Variants in CTTN observed in about 807,000 individuals in gnomAD.
CTTN encodes the protein src substrate cortactin.
A neutral mutation model predicts 84.0 loss-of-function variants in CTTN; 28 were observed. The observed-to-expected ratio is 0.33, with a 90% CI of 0.25 to 0.46. The LOEUF (loss-of-function observed/expected upper bound fraction) is 0.46. CTTN is among the 20% of genes least tolerant of loss of function. The pLI, the probability that CTTN is intolerant of heterozygous loss-of-function variation, is 1.00. For synonymous variants in CTTN, 301 were observed against 288.8 expected (o/e 1.04, Z -0.43); for missense variants, 641 against 723.8 (o/e 0.89, Z 1.31).
intron 7 of CTTN, 102 bp downstream of exon 7, chr11:70,415,819 G>C (rs1470651654): frequency 5.1e-6 from 6 of 1,170,522 alleles, no homozygotes; most frequent in Non-Finnish European, 7.7e-6. Context: ...GCCCTGATGG[G>C]GAGAGTCACA....
At chr11:70,432,997 G>C (rs913704051) in intron 15 of CTTN, 104 bp from the exon 16 acceptor site, 7 of 1,248,628 alleles carry the variant, frequency 5.6e-6, no homozygotes, top group Non-Finnish European at 7.9e-6. Context: ...GGCTGGGACT[G>C]AGAATTAGAT....
At chr11:70,416,824 C>G in intron 7 of CTTN, 189 bp from the exon 8 acceptor site, 1 of 578,904 alleles carries the variant, frequency 1.7e-6, no homozygotes, top group Admixed American at 2.8e-5. Context: ...AGAACCCCCC[C>G]ATGCACCTGT....
chr11:70,399,562 A>T (rs2057951376), intron 1 of CTTN, among the ~76,000 whole-genome samples: 1 of 151,926 alleles, frequency 6.6e-6, no homozygotes, highest in Admixed American at 6.6e-5. Flanking sequence ...TAAATTTGGA[A>T]CCGTCCCTCC....
intron 6 of CTTN, 67 bp downstream of exon 6, chr11:70,414,719 C>T (rs1451002024): frequency 6.8e-6 from 8 of 1,174,306 alleles, no homozygotes. Flanking sequence ...AGATCTGAGC[C>T]CTGTTGGGCC....
intron 6 of CTTN, among the ~76,000 whole-genome samples, chr11:70,415,067 G>A (rs556605576): frequency 6.6e-6 from 1 of 152,154 alleles, no homozygotes; most frequent in Admixed American, 6.5e-5. Flanking sequence ...TCCTAGGCCC[G>A]AGCCTCTTTG....
At chr11:70,400,650 A>AT (rs1206532798) in intron 1 of CTTN, among the ~76,000 whole-genome samples, 1 of 152,246 alleles carries the variant, frequency 6.6e-6, no homozygotes, top group Non-Finnish European at 1.5e-5. Flanking sequence ...GACAGCACAC[A>AT]TAATCGGCAA....
chr11:70,431,682 G>C (rs922076142), intron 15 of CTTN, among the ~76,000 whole-genome samples: 1 of 152,020 alleles, frequency 6.6e-6, no homozygotes, highest in African/African-American at 2.4e-5. Flanking sequence ...CCTGCCTCCC[G>C]CACAATCTGC....
At chr11:70,416,429 T>G (rs981914830) in intron 7 of CTTN, among the ~76,000 whole-genome samples, 1 of 151,946 alleles carries the variant, frequency 6.6e-6, no homozygotes, top group African/African-American at 2.4e-5. Flanking sequence ...TTTCATTTTG[T>G]TTTGTTTGTT....
chr11:70,430,607 C>T (rs1339436227), intron 14 of CTTN, among the ~76,000 whole-genome samples: 1 of 152,234 alleles, frequency 6.6e-6, no homozygotes, highest in Non-Finnish European at 1.5e-5. Flanking sequence ...CACAGTCCCT[C>T]CCCATGGGGT....
chr11:70,419,686 C>T (rs2058205625), intron 8 of CTTN, 60 bp from the exon 9 acceptor site: 1 of 1,396,432 alleles, frequency 7.2e-7, no homozygotes, highest in South Asian at 1.2e-5. Context: ...GGATAAAATA[C>T]TTGCATGTTC....
Position 70,422,837 on chromosome 11 carries a change from G to A in CTTN, c.902-103G>A, listed in dbSNP as rs569825773. 123 of 1,580,206 alleles carry A rather than the reference G, an allele frequency of 7.8e-5. 1 individual carries two copies. In the South Asian group the frequency reaches 1.3e-3, roughly 16 times the overall value. On this transcript the variant is annotated intron_variant, in intron 11 of 17. Coordinates refer to ENST00000301843, the MANE Select transcript of CTTN (RefSeq NM_005231.4). ...GCCATTCTCGTTTCTTCCCGCTGTG[G>A]TGCACCTTCTTGGGCTGTTTCTGGA...
intron 16 of CTTN, 33 bp from the exon 17 acceptor site, chr11:70,433,614 G>A: frequency 6.7e-7 from 1 of 1,494,384 alleles, no homozygotes; most frequent in Non-Finnish European, 9.3e-7. Context: ...GTGGGACTTT[G>A]TATTGTTCAG....
At chr11:70,427,498 G>A (rs892468222) in intron 13 of CTTN, among the ~76,000 whole-genome samples, 11 of 152,226 alleles carry the variant, frequency 7.2e-5, no homozygotes, top group African/African-American at 2.4e-4. Flanking sequence ...GCAGTCTATC[G>A]ATGTTACGTT....
chr11:70,416,971 C>T (rs371255550), intron 7 of CTTN, 42 bp from the exon 8 acceptor site: 46 of 1,378,376 alleles, frequency 3.3e-5, no homozygotes, highest in Non-Finnish European at 4.1e-5. Flanking sequence ...CAGTGTAGTT[C>T]GTCCTCAGGC....
intron 8 of CTTN, among the ~76,000 whole-genome samples, chr11:70,419,081 G>C (rs2058198455): frequency 6.9e-6 from 1 of 145,736 alleles, no homozygotes; most frequent in African/African-American, 2.6e-5. Flanking sequence ...AGCCTCTGCT[G>C]TACTTTAAAA....
At position 70,435,107 on chromosome 11, in the gene CTTN, T is replaced by C. The variant is rs776387604; in HGVS notation, c.1598T>C (p.Val533Ala). The C allele has an allele frequency of 6.2e-7, 1 of 1,613,612 alleles. No individual in the cohort carries two copies. Among genetic ancestry groups the C allele is most frequent in the Admixed American group, 1.7e-5 (1 of 59,996 alleles). ...EMIDDGWWRGVCKGRYGLFPA... is the reference protein window; with the variant it reads ...EMIDDGWWRGACKGRYGLFPA... ...ATTGACGACGGCTGGTGGCGCGGGG[T>C]GTGCAAGGGCCGGTACGGGCTCTTC... Residue 533 changes from valine to alanine, a missense_variant, in exon 18 of 18, where the codon GTG becomes GCG. This residue lies in a region of CTTN where 68 missense variants were observed against 102.2 expected (regional missense o/e 0.67). Transcript: ENST00000301843.
chr11:70,407,713 C>T (rs2058058820), intron 4 of CTTN, 122 bp downstream of exon 4: 7 of 770,822 alleles, frequency 9.1e-6, no homozygotes, highest in South Asian at 6.5e-5. Flanking sequence ...TCTTCTTGAC[C>T]TGATACCCAT....
In CTTN at chr11:70,435,362, T is replaced by C; in HGVS notation, c.*200T>C. 3 of 1,475,736 alleles carry C rather than the reference T, an allele frequency of 2.0e-6. No individual in the cohort carries two copies. In the South Asian group the frequency reaches 4.0e-5, roughly 20 times the overall value. 91.4% of individuals were successfully genotyped at this position (1,475,736 alleles called of 1,614,324 possible). On this transcript the variant is annotated 3_prime_UTR_variant, in exon 18 of 18. Transcript: ENST00000301843. ...TTGAAAATGTTTATGCCACAGAATT[T>C]GCTAATATATTGTAATCACATTCCT...
intron 1 of CTTN, among the ~76,000 whole-genome samples, chr11:70,405,042 G>C (rs184639819): frequency 6.6e-6 from 1 of 152,290 alleles, no homozygotes; most frequent in East Asian, 1.9e-4. Context: ...TCATCATGTA[G>C]TTAGAAATCT....
Sources: allele counts gnomAD v4.1 joint callset (sites outside exome capture counted in the v4.1 genomes callset), GRCh38; gene constraint gnomAD v4.1.1; regional missense constraint gnomAD v4.1.1; transcripts MANE v1.5; gene names NCBI Gene and HGNC (gene_info 2026-07-23, HGNC 2026-07-21).